The following CZIB variants were observed in gnomAD, a reference collection of about 807,000 sequenced individuals.
The protein encoded by CZIB is CXXC motif containing zinc binding protein.
Under a neutral mutation model 28.3 loss-of-function variants are expected in CZIB, and 26 were observed. The ratio of observed to expected loss-of-function variants is 0.92; its 90% CI spans 0.67 to 1.27. The LOEUF is 1.27. Among genes scored for constraint, CZIB ranks in the 50% most tolerant of loss-of-function variants. The pLI, the probability that CZIB is intolerant of heterozygous loss-of-function variation, is 0.00. For synonymous variants in CZIB, 78 were observed against 71.1 expected (o/e 1.10, Z -0.49); for missense variants, 179 against 197.3 (o/e 0.91, Z 0.56).
In CZIB at chr1:53,218,199, A is replaced by G; in HGVS notation, c.234T>C (p.Ile78=). 3 of 1,614,158 alleles carry G rather than the reference A, an allele frequency of 1.9e-6. No homozygotes were observed. The highest frequency in any genetic ancestry group is 2.5e-6 in the Non-Finnish European group (3 of 1,180,002). ...TGTAAGGCTTGATGGTGCTGCTTAAAATCTCTGAAATAGAAAAGAGAACAC... is the reference window on the plus strand; with the variant it reads ...TGTAAGGCTTGATGGTGCTGCTTAAGATCTCTGAAATAGAAAAGAGAACAC... ...KLCARENSIE[I]LSSTIKPYNA... The change falls in exon 5 of 8, where the codon ATT becomes ATC. Residue 78 remains isoleucine (I), a synonymous_variant. Transcript: ENST00000294360.
At chr1:53,219,159 G>T in intron 2 of CZIB, 1 of 527,428 alleles carries the variant, frequency 1.9e-6, no homozygotes, top group Non-Finnish European at 3.4e-6. Flanking sequence ...GCTCAGTGTG[G>T]CCGGGGATTC....
Position 53,217,018 on chromosome 1 carries a change from C to T in CZIB, c.262-159G>A, listed in dbSNP as rs1572390027. ...CTTCTTAGAGGAAGCCTGCCTTGGG[C>T]ACCTGCTCCCTATGAAGCTTTCTGT... On this transcript the variant is annotated intron_variant, in intron 5 of 7. Coordinates refer to ENST00000294360, the MANE Select transcript of CZIB (RefSeq NM_017887.3). 36 of 620,384 alleles carry T rather than the reference C, an allele frequency of 5.8e-5. No homozygotes were observed. In the East Asian group the frequency reaches 1.0e-3, roughly 17 times the overall value. 38.4% of individuals were successfully genotyped at this position (620,384 alleles called of 1,614,324 possible).
At chr1:53,216,268 A>C (rs926196897) in intron 6 of CZIB, among the ~76,000 whole-genome samples, 3 of 152,156 alleles carry the variant, frequency 2.0e-5, no homozygotes, top group African/African-American at 7.2e-5. Context: ...ACAGCCTTGG[A>C]CCAGAAGGCA....
At chr1:53,220,483 G>C (rs1047423833) in intron 1 of CZIB, 87 bp downstream of exon 1, 14 of 1,589,670 alleles carry the variant, frequency 8.8e-6, no homozygotes, top group Middle Eastern at 1.7e-4. Flanking sequence ...GCACCCACTC[G>C]CTTCATCTCC....
chr1:53,218,136 A>G (rs753436579), intron 5 of CZIB, 36 bp downstream of exon 5: 1 of 1,609,590 alleles, frequency 6.2e-7, no homozygotes, highest in South Asian at 1.1e-5. Flanking sequence ...TTAGGATTTA[A>G]GCCCACCATC....
At chr1:53,217,006 G>C in intron 5 of CZIB, 147 bp from the exon 6 acceptor site, 1 of 662,650 alleles carries the variant, frequency 1.5e-6, no homozygotes, top group Non-Finnish European at 2.7e-6. Context: ...CTTAGAGGAA[G>C]CCTGCCTTGG....
chr1:53,214,736 C>A lies in CZIB; in HGVS notation c.406G>T (p.Asp136Tyr). 1.9e-6 allele frequency: 3 copies of A among 1,613,730 alleles called. No individual in the cohort carries two copies. The highest frequency in any genetic ancestry group is 2.5e-6 in the Non-Finnish European group (3 of 1,179,888). The part of the protein sequence containing the change: ...AFSDINLQEK[D>Y]WTDYDEKAQE... ...GCCTTTTCATCATAGTCAGTCCAGT[C>A]CTGGGAAACAAAATGGCATTGTTAG... Residue 136 changes from aspartate to tyrosine, a missense_variant and splice_region_variant, in exon 8 of 8, where the codon GAC becomes TAC. Transcript: ENST00000294360.
chr1:53,219,126 G>A (rs778062155), intron 2 of CZIB: 9 of 592,444 alleles, frequency 1.5e-5, no homozygotes, highest in South Asian at 9.8e-5. Flanking sequence ...CTATGCCGGC[G>A]TGCCCACCCT....
At position 53,218,869 on chromosome 1, in the gene CZIB, T is replaced by G. The variant is rs748692099; in HGVS notation, c.145A>C (p.Met49Leu). 6.2e-7 allele frequency: 1 copy of G among 1,612,590 alleles called. No individual in the cohort carries two copies. Among genetic ancestry groups the G allele is most frequent in the Non-Finnish European group, 8.5e-7 (1 of 1,178,762 alleles). Residue 49 changes from methionine to leucine, a missense_variant and splice_region_variant, in exon 3 of 8, where the codon ATG (methionine) becomes CTG (leucine). Met to Leu is a conservative substitution (Grantham distance 15). Transcript: ENST00000294360. ...GGGGTTGGGCGGGGAACAGTTACCA[T>G]CAGCCGGATGTACTGCCACTTGTCC... is the stretch of plus-strand genomic sequence containing the variant. ...ISDKWQYIRL[M>L]DSVALKGGRG...
Position 53,214,608 on chromosome 1 carries a change from G to C in CZIB, c.*51C>G. ...GAGCCTCTGTGGGCTCTGCTGCTTA[G>C]AGTACTTTGTCCTTTCTCAGTTCTT... On this transcript the variant is annotated 3_prime_UTR_variant, in exon 8 of 8. Coordinates refer to ENST00000294360, the MANE Select transcript of CZIB (RefSeq NM_017887.3). The C allele has an allele frequency of 6.6e-7, 1 of 1,524,640 alleles. No homozygotes were observed. Among genetic ancestry groups the C allele is most frequent in the Non-Finnish European group, 9.1e-7 (1 of 1,100,722 alleles). The allele number at this position is 1,524,640 out of a possible 1,614,324, so 94.4% of individuals were successfully genotyped here. A position where few individuals can be genotyped will look rare whatever the true frequency, so the allele number is the denominator to read the frequency against.
chr1:53,215,905 G>T lies in CZIB; in HGVS notation c.405+86C>A, dbSNP rs542668521. 7 of 1,359,884 alleles carry T rather than the reference G, an allele frequency of 5.1e-6. No homozygotes were observed. The African/African-American group carries it at 8.6e-5, about 17-fold the overall frequency. 84.2% of individuals were successfully genotyped at this position (1,359,884 alleles called of 1,614,324 possible). Reference sequence around the variant, plus strand: ...CAAAAAGCACAAAAATACAGAGTTGGCTTTCCATTGATGAGCCTTGTCCAC... The same window carrying T: ...CAAAAAGCACAAAAATACAGAGTTGTCTTTCCATTGATGAGCCTTGTCCAC... On this transcript the variant is annotated intron_variant, in intron 7 of 7. Transcript: ENST00000294360.
intron 5 of CZIB, 194 bp from the exon 6 acceptor site, chr1:53,217,053 A>G (rs986616332): frequency 3.8e-5 from 21 of 551,308 alleles, no homozygotes; most frequent in Non-Finnish European, 6.5e-5. Context: ...TAGACAGCAG[A>G]CATGGAGGCT....
intron 2 of CZIB, 104 bp downstream of exon 2, chr1:53,220,157 A>C (rs754399232): frequency 5.0e-6 from 5 of 1,008,128 alleles, no homozygotes; most frequent in Admixed American, 5.0e-5. Flanking sequence ...CCGAACACTT[A>C]ATGTGCCTGG....
At chr1:53,215,272 A>G (rs1053917029) in intron 7 of CZIB, among the ~76,000 whole-genome samples, 3 of 152,208 alleles carry the variant, frequency 2.0e-5, no homozygotes, top group African/African-American at 7.2e-5. Context: ...CCCAGGAGGC[A>G]GAGGTTGCAG....
chr1:53,217,207 A>G (rs1645480012), intron 5 of CZIB: 2 of 249,718 alleles, frequency 8.0e-6, no homozygotes, highest in Non-Finnish European at 1.6e-5. Flanking sequence ...TGAAATGCAT[A>G]TAAAGTGCCC....
chr1:53,215,506 A>G (rs1222760263), intron 7 of CZIB, among the ~76,000 whole-genome samples: 2 of 152,176 alleles, frequency 1.3e-5, no homozygotes, highest in African/African-American at 4.8e-5. Flanking sequence ...GGGTAGTAAT[A>G]TGTCCAGTAA....
intron 5 of CZIB, chr1:53,217,810 T>C: frequency 4.0e-6 from 1 of 249,710 alleles, no homozygotes; most frequent in Non-Finnish European, 7.8e-6. Context: ...TTGTTAACAC[T>C]GATGATATAA....
At chr1:53,219,845 G>A (rs1269554857) in intron 2 of CZIB, 1 of 178,018 alleles carries the variant, frequency 5.6e-6, no homozygotes, top group Non-Finnish European at 1.2e-5. Flanking sequence ...GGCCTCTGTA[G>A]ACCATGCCAC....
chr1:53,216,141 T>A, intron 6 of CZIB, 85 bp from the exon 7 acceptor site: 1 of 1,270,740 alleles, frequency 7.9e-7, no homozygotes, highest in Non-Finnish European at 1.1e-6. Flanking sequence ...TGCTGGCTCT[T>A]CTCACACTTC....
Sources: gnomAD v4.1 joint callset for allele counts (sites outside exome capture counted in the v4.1 genomes callset) on GRCh38, gnomAD v4.1.1 for gene constraint, MANE v1.5 for transcripts, NCBI Gene and HGNC (gene_info 2026-07-23, HGNC 2026-07-21) for gene names.